Variants in KDELR1 observed in about 807,000 individuals in gnomAD.
KDELR1 encodes the protein ER lumen protein-retaining receptor 1.
In KDELR1, 16 loss-of-function variants were observed where a neutral mutation model predicts 25.5. The observed-to-expected ratio is 0.63, with a 90% CI of 0.43 to 0.95. The LOEUF (loss-of-function observed/expected upper bound fraction) is 0.95. Ranked by LOEUF, KDELR1 falls within the 40% of genes least tolerant of loss-of-function variation. The pLI is 0.00. For missense variants in KDELR1, 159 were observed against 265.2 expected (o/e 0.60, Z 2.78); for synonymous variants, 121 against 115.0 (o/e 1.05, Z -0.33).
rs1200445998 is a variant in KDELR1 at position 48,384,150 on chromosome 19, T to A, written c.604+80A>T. ...CTCCCTTCTTTGCATAATACAGGGG[T>A]AAGGAGACCCCAGTCCCCAGGGAGG... is the stretch of plus-strand genomic sequence containing the variant. On this transcript the variant is annotated intron_variant, in intron 4 of 4. Coordinates refer to ENST00000330720, the MANE Select transcript of KDELR1 (RefSeq NM_006801.3). The surrounding 1 kb of genome is among the most constrained non-coding windows in gnomAD (Gnocchi z 4.6). The A allele has an allele frequency of 7.8e-6, 12 of 1,546,430 alleles. No homozygotes were observed. Among genetic ancestry groups the A allele is most frequent in the Non-Finnish European group, 1.1e-5 (12 of 1,131,340 alleles).
At chr19:48,383,543 C>T (rs1308382447) in intron 4 of KDELR1, among the ~76,000 whole-genome samples, 2 of 152,166 alleles carry the variant, frequency 1.3e-5, no homozygotes, top group Non-Finnish European at 2.9e-5. Context: ...CAAGGTCCCA[C>T]TCTGTAGCCC....
rs1035869310 is a variant in KDELR1 at position 48,383,037 on chromosome 19, C to A, written c.*256G>T. 3 of 554,630 alleles carry A rather than the reference C, an allele frequency of 5.4e-6. No individual in the cohort carries two copies. The highest frequency in any genetic ancestry group is 9.6e-6 in the Non-Finnish European group (3 of 312,522). The allele number at this position is 554,630 out of a possible 1,614,324, so 34.4% of individuals were successfully genotyped here. On this transcript the variant is annotated 3_prime_UTR_variant, in exon 5 of 5. Coordinates refer to ENST00000330720, the MANE Select transcript of KDELR1 (RefSeq NM_006801.3). ...GCCACAGAGTAGAAGAAAAACGAGT[C>A]ATCAGAATCAAAAACTAAAGAGTGG...
chr19:48,393,955 G>C (rs1191907275), upstream of KDELR1, among the ~76,000 whole-genome samples: 1 of 151,970 alleles, frequency 6.6e-6, no homozygotes, highest in Non-Finnish European at 1.5e-5. This position sits in a 1 kb window ranked among gnomAD's most constrained non-coding sequence, Gnocchi z 5.6. Flanking sequence ...GGGAGGGAGG[G>C]GTCTGTCTGT....
intron 3 of KDELR1, among the ~76,000 whole-genome samples, chr19:48,385,176 C>T (rs553054982): frequency 5.3e-5 from 8 of 152,304 alleles, no homozygotes; most frequent in South Asian, 2.1e-4. Context: ...CATGAGCCAC[C>T]GTGCCGGGCC....
chr19:48,397,261 T>G, the KDELR1 span, among the ~76,000 whole-genome samples: 1 of 152,094 alleles, frequency 6.6e-6, no homozygotes, highest in Non-Finnish European at 1.5e-5. Context: ...GGATTTTCTC[T>G]CCTTGGGGTG....
the KDELR1 span, among the ~76,000 whole-genome samples, chr19:48,396,639 G>T: frequency 6.6e-6 from 1 of 152,034 alleles, no homozygotes; most frequent in Admixed American, 6.5e-5. Flanking sequence ...GCCAGGATCG[G>T]GGAGGGATGG....
rs542944845 is a variant in KDELR1, at chr19:48,384,578, G to C, written c.352-96C>G. The C allele has an allele frequency of 1.5e-5, 21 of 1,444,390 alleles. No homozygotes were observed. The Admixed American group carries it at 2.7e-4, about 19-fold the overall frequency. 89.5% of individuals were successfully genotyped at this position (1,444,390 alleles called of 1,614,324 possible). On this transcript the variant is annotated intron_variant, in intron 3 of 4. Transcript: ENST00000330720. This position sits in a 1 kb window ranked among gnomAD's most constrained non-coding sequence, Gnocchi z 4.6. ...CAGTTACAGGTGCCGCGAAGGTGGA[G>C]AGAAGGAAGGTGATCCAGGTGCTGC...
chr19:48,383,946 G>T (rs1970475123), intron 4 of KDELR1, among the ~76,000 whole-genome samples: 1 of 152,174 alleles, frequency 6.6e-6, no homozygotes, highest in African/African-American at 2.4e-5. Context: ...CAATACATTT[G>T]TTGCATGAAT....
chr19:48,384,125 C>T lies in KDELR1; in HGVS notation c.604+105G>A. The T allele has an allele frequency of 1.4e-6, 2 of 1,412,450 alleles. No homozygotes were observed. Among genetic ancestry groups the T allele is most frequent in the South Asian group, 1.4e-5 (1 of 73,800 alleles). 87.5% of individuals were successfully genotyped at this position (1,412,450 alleles called of 1,614,324 possible). On this transcript the variant is annotated intron_variant, in intron 4 of 4. Coordinates refer to ENST00000330720, the MANE Select transcript of KDELR1 (RefSeq NM_006801.3). The surrounding 1 kb of genome is among the most constrained non-coding windows in gnomAD (Gnocchi z 4.6). ...ACCCCAGAAACCCGGCGAAGAAATGCTCCCTTCTTTGCATAATACAGGGGT... is the reference window on the plus strand; with the variant it reads ...ACCCCAGAAACCCGGCGAAGAAATGTTCCCTTCTTTGCATAATACAGGGGT...
rs370775756 is a variant in KDELR1 at position 48,384,506 on chromosome 19, T to A, written c.352-24A>T. ...ATCTGCAGAGAGGCCGGGGACATGA[T>A]GAGGTGGGAGGGGACAGGGCGGGAG... On this transcript the variant is annotated intron_variant, in intron 3 of 4. Transcript: ENST00000330720. This position sits in a 1 kb window ranked among gnomAD's most constrained non-coding sequence, Gnocchi z 4.6. 1.9e-4 allele frequency: 309 copies of A among 1,606,310 alleles called. No individual in the cohort carries two copies. Among genetic ancestry groups the A allele is most frequent in the Non-Finnish European group, 2.4e-4 (281 of 1,175,882 alleles).
In KDELR1 at chr19:48,390,865, G is replaced by A. The variant is rs143231461; in HGVS notation, c.92-341C>T. On this transcript the variant is annotated intron_variant, in intron 1 of 4. Transcript: ENST00000330720. Reference sequence around the variant, plus strand: ...GGTCCTCCCGCAGTCTGGACCTGAGGTGAGGCCTAGGGAGGACCTTCCCTG... The same window carrying A: ...GGTCCTCCCGCAGTCTGGACCTGAGATGAGGCCTAGGGAGGACCTTCCCTG... 1,829 of 426,970 alleles carry A rather than the reference G, an allele frequency of 4.3e-3. 8 individuals are homozygous for A. Among genetic ancestry groups the A allele is most frequent in the Non-Finnish European group, 6.7e-3 (1,561 of 232,452 alleles). The allele number at this position is 426,970 out of a possible 1,614,324, so 26.4% of individuals were successfully genotyped here.
intron 3 of KDELR1, among the ~76,000 whole-genome samples, chr19:48,388,754 AGAAAGAAAG>A (rs1161741715): frequency 1.3e-5 from 2 of 151,142 alleles, no homozygotes; most frequent in Non-Finnish European, 2.9e-5. Context: ...GAAGGAAAGA[AGAAAGAAAG>A]GAAAGAAAGG....
chr19:48,394,918 AGAACAG>A (rs1433333711), upstream of KDELR1: 1 of 152,534 alleles, frequency 6.6e-6, no homozygotes, highest in East Asian at 1.9e-4. This position sits in a 1 kb window ranked among gnomAD's most constrained non-coding sequence, Gnocchi z 5.1. Context: ...TCCCCCCAAC[AGAACAG>A]GGTCATGAAA....
In KDELR1 at chr19:48,386,884, T is replaced by C. The variant is rs145072496; in HGVS notation, c.352-2402A>G. Reference sequence around the variant, plus strand: ...GAGTTCAAGATCACCCTGGTCAACATAGCAAAACCCTGTCTCTCCTAAAAA... The same window carrying C: ...GAGTTCAAGATCACCCTGGTCAACACAGCAAAACCCTGTCTCTCCTAAAAA... On this transcript the variant is annotated intron_variant, in intron 3 of 4. Coordinates refer to ENST00000330720, the MANE Select transcript of KDELR1 (RefSeq NM_006801.3). Among the ~76,000 whole-genome samples the C allele has an allele frequency of 1.6e-3, 238 of 151,980 alleles. 2 individuals are homozygous for C. Among genetic ancestry groups the C allele is most frequent in the African/African-American group, 5.5e-3 (228 of 41,470 alleles).
chr19:48,393,939 G>A (rs949508746), upstream of KDELR1, among the ~76,000 whole-genome samples: 4 of 152,130 alleles, frequency 2.6e-5, no homozygotes, highest in Non-Finnish European at 4.4e-5. This position sits in a 1 kb window ranked among gnomAD's most constrained non-coding sequence, Gnocchi z 5.6. Context: ...GCGCTGCGGC[G>A]GCGGAGGGAG....
chr19:48,390,904 G>C (rs1362863989), intron 1 of KDELR1: 1 of 441,904 alleles, frequency 2.3e-6, no homozygotes, highest in African/African-American at 2.0e-5. Flanking sequence ...TCAGGCCCCG[G>C]ATCCGGTCAC....
At chr19:48,394,748 A>G, upstream of KDELR1, 1 of 154,004 alleles carries the variant, frequency 6.5e-6, no homozygotes, top group Non-Finnish European at 1.4e-5. This position sits in a 1 kb window ranked among gnomAD's most constrained non-coding sequence, Gnocchi z 5.1. Context: ...AAGAGGAAGG[A>G]GAGACGGAGC....
Position 48,383,193 on chromosome 19 carries a change from G to T in KDELR1, c.*100C>A, listed in dbSNP as rs1442763785. ...GCGGGATGGGGAGCACAAGAGGTGG[G>T]TTCTTAAAAAAGTCACCCCTGGATG... On this transcript the variant is annotated 3_prime_UTR_variant, in exon 5 of 5. Coordinates refer to ENST00000330720, the MANE Select transcript of KDELR1 (RefSeq NM_006801.3). 5.5e-6 allele frequency: 7 copies of T among 1,276,556 alleles called. No homozygotes were observed. The highest frequency in any genetic ancestry group is 7.8e-6 in the Non-Finnish European group (7 of 898,628). The allele number at this position is 1,276,556 out of a possible 1,614,324, so 79.1% of individuals were successfully genotyped here.
intron 3 of KDELR1, among the ~76,000 whole-genome samples, chr19:48,386,883 A>G (rs1970501777): frequency 6.6e-6 from 1 of 152,096 alleles, no homozygotes; most frequent in South Asian, 2.1e-4. Flanking sequence ...CCTGGTCAAC[A>G]TAGCAAAACC....
Sources: gnomAD v4.1 joint callset for allele counts (sites outside exome capture counted in the v4.1 genomes callset) on GRCh38, gnomAD v4.1.1 for gene constraint, Gnocchi (gnomAD v3.1) non-coding constraint, MANE v1.5 for transcripts, NCBI Gene and HGNC (gene_info 2026-07-23, HGNC 2026-07-21) for gene names.